MAP4K3: variants seen among roughly 807,000 people sequenced by gnomAD.
MAP4K3 encodes the protein MAPK/ERK kinase kinase kinase 3.
MAP4K3 carries 94 observed loss-of-function variants against 143.5 expected under a neutral mutation model. The ratio of observed to expected loss-of-function variants is 0.65; its 90% CI spans 0.55 to 0.78. The LOEUF (loss-of-function observed/expected upper bound fraction) is 0.78, where lower values mean the gene tolerates loss of function less well. Ranked by LOEUF, MAP4K3 falls within the 30% of genes least tolerant of loss-of-function variation. MAP4K3 has a pLI of 0.00. For missense variants in MAP4K3, 1,077 were observed against 1,068.1 expected, an observed-to-expected ratio of 1.01 and a Z score of -0.12; for synonymous variants, 416 against 347.2, an observed-to-expected ratio of 1.20 and a Z score of -2.20.
rs1167199591 is a variant in MAP4K3, at chr2:39,250,530, G to A, written c.*88C>T. 8 of 1,244,738 alleles carry A rather than the reference G, an allele frequency of 6.4e-6. No individual in the cohort carries two copies. The highest frequency in any genetic ancestry group is 4.1e-5 in the South Asian group (3 of 72,436). 77.1% of individuals were successfully genotyped at this position (1,244,738 alleles called of 1,614,324 possible). A position where few individuals can be genotyped will look rare whatever the true frequency, so the allele number is the denominator to read the frequency against. On this transcript the variant is annotated 3_prime_UTR_variant, in exon 34 of 34. Transcript: ENST00000263881. The stretch of plus-strand genomic sequence containing the variant: ...ACAAAGTAACTGAAGACAGGTTACT[G>A]CAGCTTTTGTACAGCTTCAAGCATC...
intron 31 of MAP4K3, among the ~76,000 whole-genome samples, chr2:39,255,950 C>T (rs1473390134): frequency 6.6e-6 from 1 of 152,168 alleles, no homozygotes; most frequent in Non-Finnish European, 1.5e-5. Context: ...TTAAGTCTTT[C>T]TACCCATGGA....
At chr2:39,353,890 T>A (rs1006662177) in intron 3 of MAP4K3, among the ~76,000 whole-genome samples, 1 of 152,204 alleles carries the variant, frequency 6.6e-6, no homozygotes, top group Non-Finnish European at 1.5e-5. Flanking sequence ...TAGATATTAT[T>A]ATCATCTGTT....
intron 31 of MAP4K3, among the ~76,000 whole-genome samples, chr2:39,255,431 C>T (rs1050254683): frequency 2.6e-5 from 4 of 152,100 alleles, no homozygotes; most frequent in South Asian, 4.1e-4. Context: ...TGCAGGTAAG[C>T]AATTGTACCA....
chr2:39,308,072 G>A (rs1010525975), intron 14 of MAP4K3, 67 bp from the exon 15 acceptor site: 3 of 1,131,998 alleles, frequency 2.7e-6, no homozygotes, highest in African/African-American at 1.6e-5. Context: ...ATTCACAAAG[G>A]GAAACTTTCA....
chr2:39,367,000 T>C (rs1553419274), intron 2 of MAP4K3, among the ~76,000 whole-genome samples: 1 of 151,820 alleles, frequency 6.6e-6, no homozygotes, highest in Non-Finnish European at 1.5e-5. Context: ...TCAAAACAAA[T>C]GAAAAAATGA....
In MAP4K3 at chr2:39,278,420, G is replaced by A; in HGVS notation, c.1781C>T (p.Thr594Ile). The change falls in exon 24 of 34, where the codon ACA (threonine) becomes ATA (isoleucine). Residue 594 changes from threonine (T) to isoleucine (I), a missense_variant. This residue lies in a region of MAP4K3 where 864 missense variants were observed against 801.2 expected (regional missense o/e 1.08). Transcript: ENST00000263881. ...YTLNLNELHE[T>I]SMEQLFPRRC... ...AAAATAACATACCTGTTCCATTGATGTTTCATGAAGTTCATTAAGATTGAG... is the reference window on the plus strand; with the variant it reads ...AAAATAACATACCTGTTCCATTGATATTTCATGAAGTTCATTAAGATTGAG... 1 of 1,579,188 alleles carries A rather than the reference G, an allele frequency of 6.3e-7. No individual in the cohort carries two copies. Among genetic ancestry groups the A allele is most frequent in the Non-Finnish European group, 8.6e-7 (1 of 1,158,932 alleles).
Position 39,437,046 on chromosome 2 carries a change from G to A in MAP4K3, c.-59C>T. ...GGCAGGGGAGGGGGGCCGCTCAGGG[G>A]GCCACACGGAGAGAGGGCGCCGCGG... On this transcript the variant is annotated 5_prime_UTR_variant, in exon 1 of 34. Coordinates refer to ENST00000263881, the MANE Select transcript of MAP4K3 (RefSeq NM_003618.4). 2 of 1,364,608 alleles carry A rather than the reference G, an allele frequency of 1.5e-6. No individual in the cohort carries two copies. Among genetic ancestry groups the A allele is most frequent in the Non-Finnish European group, 2.0e-6 (2 of 990,386 alleles). 84.5% of individuals were successfully genotyped at this position (1,364,608 alleles called of 1,614,324 possible).
chr2:39,425,560 T>A (rs1665041969), intron 1 of MAP4K3, among the ~76,000 whole-genome samples: 1 of 152,082 alleles, frequency 6.6e-6, no homozygotes, highest in African/African-American at 2.4e-5. Context: ...CACCAGAAAG[T>A]ATGCCCTCTC....
chr2:39,421,667 T>TA (rs1258995463), intron 1 of MAP4K3, among the ~76,000 whole-genome samples: 2 of 152,226 alleles, frequency 1.3e-5, no homozygotes, highest in African/African-American at 2.4e-5. Flanking sequence ...ATATACTCTA[T>TA]AAATGGCATC....
rs1239337059 is a variant in MAP4K3 at position 39,299,807 on chromosome 2, A to G, written c.1120-6T>C. 7 of 1,531,262 alleles carry G rather than the reference A, an allele frequency of 4.6e-6. No individual in the cohort carries two copies. The South Asian group carries it at 7.7e-5, about 17-fold the overall frequency. 94.9% of individuals were successfully genotyped at this position (1,531,262 alleles called of 1,614,324 possible). On this transcript the variant is annotated splice_region_variant and splice_polypyrimidine_tract_variant and intron_variant, in intron 15 of 33. Coordinates refer to ENST00000263881, the MANE Select transcript of MAP4K3 (RefSeq NM_003618.4). The stretch of plus-strand genomic sequence containing the variant: ...CCATATTCCAGTTGCAGATCCTAAT[A>G]GTACAAAATAAAATATTTAGCACAA...
chr2:39,309,305 T>G (rs1415674313), intron 14 of MAP4K3, among the ~76,000 whole-genome samples, 156 bp downstream of exon 14: 3 of 152,138 alleles, frequency 2.0e-5, no homozygotes, highest in African/African-American at 7.2e-5. Context: ...AACATTTTTT[T>G]GTAGAGACAG....
At chr2:39,363,640 G>C (rs983685503) in intron 2 of MAP4K3, among the ~76,000 whole-genome samples, 1 of 123,084 alleles carries the variant, frequency 8.1e-6, no homozygotes, top group Non-Finnish European at 1.6e-5. Context: ...CTGCACTCTA[G>C]CTTGGGCAAT....
At chr2:39,296,039 T>A (rs911265328) in intron 16 of MAP4K3, among the ~76,000 whole-genome samples, 2 of 152,126 alleles carry the variant, frequency 1.3e-5, no homozygotes, top group Admixed American at 6.5e-5. Context: ...TCCACTTTTT[T>A]AAAAAGAATC....
At chr2:39,431,940 T>G (rs1334607921) in intron 1 of MAP4K3, among the ~76,000 whole-genome samples, 1 of 152,172 alleles carries the variant, frequency 6.6e-6, no homozygotes, top group Non-Finnish European at 1.5e-5. Flanking sequence ...CACTATGCTG[T>G]GCTACAGAGG....
At chr2:39,355,256 G>C (rs1298955662) in intron 3 of MAP4K3, among the ~76,000 whole-genome samples, 1 of 151,482 alleles carries the variant, frequency 6.6e-6, no homozygotes, top group Non-Finnish European at 1.5e-5. Context: ...AGGTACTCAG[G>C]AGGCTGAGGC....
At chr2:39,301,014 G>C (rs561694686) in intron 15 of MAP4K3, among the ~76,000 whole-genome samples, 105 of 152,252 alleles carry the variant, frequency 6.9e-4, no homozygotes, top group African/African-American at 2.0e-3. Flanking sequence ...GCCTCGTTAA[G>C]ATACACAAAG....
chr2:39,262,820 C>T (rs1290751933), intron 28 of MAP4K3, among the ~76,000 whole-genome samples: 1 of 152,020 alleles, frequency 6.6e-6, no homozygotes. Flanking sequence ...AAAATGCAGT[C>T]CAGGCTGGGT....
At chr2:39,313,135 G>A (rs535465966) in intron 13 of MAP4K3, among the ~76,000 whole-genome samples, 1 of 152,320 alleles carries the variant, frequency 6.6e-6, no homozygotes, top group East Asian at 1.9e-4. Context: ...CTCTGCCACA[G>A]AATCTTCCAG....
chr2:39,319,774 C>T (rs991329430), intron 12 of MAP4K3, among the ~76,000 whole-genome samples: 2 of 152,128 alleles, frequency 1.3e-5, no homozygotes, highest in African/African-American at 4.8e-5. Flanking sequence ...GATTCACATA[C>T]CTGATGTGCT....
Sources: allele counts gnomAD v4.1 joint callset (sites outside exome capture counted in the v4.1 genomes callset), GRCh38; gene constraint gnomAD v4.1.1; regional missense constraint gnomAD v4.1.1; transcripts MANE v1.5; gene names NCBI Gene and HGNC (gene_info 2026-07-23, HGNC 2026-07-21).